The following CYP39A1 variants were observed in gnomAD, a reference collection of about 807,000 sequenced individuals.
The protein encoded by CYP39A1 is 24-hydroxycholesterol 7-alpha-hydroxylase.
CYP39A1 carries 49 observed loss-of-function variants against 58.1 expected under a neutral mutation model. The observed-to-expected ratio is 0.84, with a 90% CI of 0.67 to 1.07. CYP39A1 has a LOEUF of 1.07. Ranked by LOEUF, CYP39A1 falls within the 50% of genes least tolerant of loss-of-function variation. The pLI, the probability that CYP39A1 is intolerant of heterozygous loss-of-function variation, is 0.00. For missense variants in CYP39A1, 531 were observed against 539.4 expected (o/e 0.98, Z 0.16); for synonymous variants, 209 against 187.6 (o/e 1.11, Z -0.93).
intron 10 of CYP39A1, among the ~76,000 whole-genome samples, chr6:46,583,780 G>A (rs958371804): frequency 2.0e-5 from 3 of 152,114 alleles, no homozygotes; most frequent in Admixed American, 1.3e-4. Context: ...TGGCAGCACC[G>A]AGTACATACT....
intron 5 of CYP39A1, among the ~76,000 whole-genome samples, chr6:46,635,047 T>C (rs1236151400): frequency 6.6e-6 from 1 of 152,220 alleles, no homozygotes; most frequent in African/African-American, 2.4e-5. Context: ...ATTCCCTTTA[T>C]TCAGGAAGGA....
At chr6:46,616,290 C>T (rs991492872) in intron 7 of CYP39A1, among the ~76,000 whole-genome samples, 8 of 131,020 alleles carry the variant, frequency 6.1e-5, no homozygotes, top group Admixed American at 4.1e-4. Context: ...CTTCATCTTG[C>T]TCTGTTGCCC....
chr6:46,649,694 A>G (rs1324959828), intron 1 of CYP39A1, among the ~76,000 whole-genome samples: 1 of 152,248 alleles, frequency 6.6e-6, no homozygotes, highest in African/African-American at 2.4e-5. Flanking sequence ...GAAACAATAT[A>G]TAAGAAATGA....
intron 8 of CYP39A1, among the ~76,000 whole-genome samples, chr6:46,595,106 C>G (rs950605234): frequency 1.3e-5 from 2 of 151,850 alleles, no homozygotes; most frequent in Non-Finnish European, 2.9e-5. Context: ...ATTAAAAACA[C>G]AAGGATCTAT....
chr6:46,616,027 C>A (rs1774519510), intron 7 of CYP39A1, among the ~76,000 whole-genome samples: 1 of 122,734 alleles, frequency 8.1e-6, no homozygotes, highest in South Asian at 3.3e-4. Flanking sequence ...CCCCCTCCCT[C>A]CCTCCTTTCC....
At chr6:46,553,708 G>T in intron 11 of CYP39A1, 59 bp downstream of exon 11, 2 of 1,129,156 alleles carry the variant, frequency 1.8e-6, no homozygotes, top group East Asian at 2.4e-5. Flanking sequence ...GGGGGAAGTG[G>T]GGGTGGTTAT....
chr6:46,637,643 G>A (rs1776070655), intron 4 of CYP39A1, among the ~76,000 whole-genome samples, 186 bp downstream of exon 4: 1 of 152,112 alleles, frequency 6.6e-6, no homozygotes, highest in African/African-American at 2.4e-5. Context: ...ATCACAATAA[G>A]AAAAGCATCT....
intron 7 of CYP39A1, among the ~76,000 whole-genome samples, chr6:46,601,665 C>CTAG (rs35214177): frequency 1.4e-5 from 2 of 145,394 alleles, no homozygotes; most frequent in Non-Finnish European, 3.0e-5. Context: ...CTCAGGTTAC[C>CTAG]TATTATTATT....
At chr6:46,613,726 G>T (rs1774356398) in intron 7 of CYP39A1, among the ~76,000 whole-genome samples, 1 of 148,912 alleles carries the variant, frequency 6.7e-6, no homozygotes, top group African/African-American at 2.5e-5. Flanking sequence ...AGGAAAGAAT[G>T]AGCCTCTATT....
intron 7 of CYP39A1, among the ~76,000 whole-genome samples, chr6:46,620,838 G>C (rs1325007845): frequency 6.6e-6 from 1 of 152,134 alleles, no homozygotes; most frequent in Non-Finnish European, 1.5e-5. Flanking sequence ...TAATGGAGCA[G>C]AGACTTCTGT....
At chr6:46,652,134 T>C (rs970928707) in intron 1 of CYP39A1, among the ~76,000 whole-genome samples, 5 of 152,254 alleles carry the variant, frequency 3.3e-5, no homozygotes, top group Admixed American at 6.5e-5. Context: ...CATTTGGAAC[T>C]TAACTTCGAT....
At chr6:46,604,743 A>G (rs919346531) in intron 7 of CYP39A1, among the ~76,000 whole-genome samples, 2 of 152,212 alleles carry the variant, frequency 1.3e-5, no homozygotes, top group Admixed American at 6.5e-5. Flanking sequence ...AACTGAGTGA[A>G]CTATAATAAA....
In CYP39A1 at chr6:46,613,819, A is replaced by G. The variant is rs141546556; in HGVS notation, c.931+11599T>C. ...ACAGCCTACACAGGAGCTAAACATT[A>G]ATGTCTTTGATTGCTTTAGGTCAGT... On this transcript the variant is annotated intron_variant, in intron 7 of 11. Coordinates refer to ENST00000275016, the MANE Select transcript of CYP39A1 (RefSeq NM_016593.5). 2.0e-3 allele frequency among the ~76,000 whole-genome samples: 308 copies of G among 151,658 alleles called. 2 individuals carry two copies. Among genetic ancestry groups the G allele is most frequent in the African/African-American group, 7.3e-3 (302 of 41,484 alleles).
chr6:46,639,548 T>C lies in CYP39A1; in HGVS notation c.434A>G (p.Glu145Gly), dbSNP rs1408564313. 1 of 1,614,158 alleles carries C rather than the reference T, an allele frequency of 6.2e-7. No homozygotes were observed. Among genetic ancestry groups the C allele is most frequent in the South Asian group, 1.1e-5 (1 of 91,084 alleles). The change falls in exon 3 of 12, where the codon GAA (glutamate) becomes GGA (glycine). Residue 145 changes from glutamate (E) to glycine (G), a missense_variant. Coordinates refer to ENST00000275016, the MANE Select transcript of CYP39A1 (RefSeq NM_016593.5). Reference protein sequence around the residue: ...FTGQLTEELHEQLENLGTHGT... With the variant: ...FTGQLTEELHGQLENLGTHGT... ...ATGAGTGCCTAAATTCTCCAGTTGT[T>C]CATGTAATTCTTCAGTCAGTTGCCC...
intron 6 of CYP39A1, among the ~76,000 whole-genome samples, chr6:46,628,173 A>G (rs1775433613): frequency 6.6e-6 from 1 of 152,280 alleles, no homozygotes; most frequent in South Asian, 2.1e-4. Context: ...TGGAGTCTTC[A>G]TACCATGCCA....
At chr6:46,567,448 T>C (rs1182365316) in intron 10 of CYP39A1, among the ~76,000 whole-genome samples, 1 of 152,144 alleles carries the variant, frequency 6.6e-6, no homozygotes. Context: ...CAAATACTTC[T>C]TTTGAGATAC....
At chr6:46,572,030 C>T (rs1771610213) in intron 10 of CYP39A1, among the ~76,000 whole-genome samples, 1 of 152,058 alleles carries the variant, frequency 6.6e-6, no homozygotes, top group Non-Finnish European at 1.5e-5. Context: ...CTTCATTTGC[C>T]TATGGAAACT....
intron 9 of CYP39A1, 90 bp downstream of exon 9, chr6:46,587,944 A>T: frequency 1.4e-6 from 1 of 721,628 alleles, no homozygotes; most frequent in Non-Finnish European, 2.2e-6. Flanking sequence ...CTGCTTAATT[A>T]TATAGTCCTA....
At chr6:46,610,776 T>A (rs1487171095) in intron 7 of CYP39A1, among the ~76,000 whole-genome samples, 1 of 152,222 alleles carries the variant, frequency 6.6e-6, no homozygotes, top group Non-Finnish European at 1.5e-5. Flanking sequence ...TATTTTCATA[T>A]TAAATCTTCC....
Sources: gnomAD v4.1 joint callset for allele counts (sites outside exome capture counted in the v4.1 genomes callset) on GRCh38, gnomAD v4.1.1 for gene constraint, MANE v1.5 for transcripts, NCBI Gene and HGNC (gene_info 2026-07-23, HGNC 2026-07-21) for gene names.